DGKZ: variants seen among roughly 807,000 people sequenced by gnomAD.
The protein encoded by DGKZ is DAG kinase zeta.
Under a neutral mutation model 142.5 loss-of-function variants are expected in DGKZ, and 45 were observed. The ratio of observed to expected loss-of-function variants is 0.32; its 90% CI spans 0.25 to 0.40. The LOEUF is 0.40. DGKZ is among the 10% of genes least tolerant of loss of function. The pLI, the probability that DGKZ is intolerant of heterozygous loss-of-function variation, is 1.00. For synonymous variants in DGKZ, 442 were observed against 527.0 expected, an observed-to-expected ratio of 0.84 and a Z score of 2.21; for missense variants, 755 against 1,306.5, an observed-to-expected ratio of 0.58 and a Z score of 6.51.
At chr11:46,335,917 C>T (rs564393730) in intron 1 of DGKZ, among the ~76,000 whole-genome samples, 1 of 152,344 alleles carries the variant, frequency 6.6e-6, no homozygotes, top group African/African-American at 2.4e-5. Flanking sequence ...CGGGGGCTGG[C>T]AGGAGCTCAG....
intron 30 of DGKZ, 65 bp downstream of exon 30, chr11:46,379,633 G>T: frequency 7.0e-7 from 1 of 1,436,702 alleles, no homozygotes; most frequent in East Asian, 2.4e-5. Context: ...GGTCCTAGGC[G>T]GGAGCTGGGG....
chr11:46,365,444 A>AGAAT, intron 1 of DGKZ: 1 of 985,408 alleles, frequency 1.0e-6, no homozygotes, highest in Non-Finnish European at 1.2e-6. Flanking sequence ...GCACACACCC[A>AGAAT]GAATCCAGAA....
chr11:46,369,906 C>T, intron 5 of DGKZ, 35 bp from the exon 6 acceptor site: 1 of 1,612,470 alleles, frequency 6.2e-7, no homozygotes, highest in Non-Finnish European at 8.5e-7. Context: ...CCTGCCCACC[C>T]CTCACCCAGT....
At chr11:46,333,342 G>A (rs1050403303) in exon 1 of DGKZ, 15 of 1,354,544 alleles carry the variant, frequency 1.1e-5, no homozygotes, top group Non-Finnish European at 1.3e-5. Flanking sequence ...GGCAGCCGAG[G>A]AGGAGGTGGT....
At position 46,372,029 on chromosome 11, in the gene DGKZ, T is replaced by C. The variant is rs1451648488; in HGVS notation, c.832-46T>C. On this transcript the variant is annotated intron_variant, in intron 9 of 30. Coordinates refer to ENST00000527911, the Ensembl canonical transcript of DGKZ. The surrounding 1 kb of genome is among the most constrained non-coding windows in gnomAD (Gnocchi z 5.9). ...GGGCCTGCTAAGGATGATGGTAGGG[T>C]GTCCTGGACGGGAAGGAGCTTACAG... 6.5e-7 allele frequency: 1 copy of C among 1,535,898 alleles called. No individual in the cohort carries two copies. Among genetic ancestry groups the C allele is most frequent in the Non-Finnish European group, 8.9e-7 (1 of 1,126,364 alleles).
intron 1 of DGKZ, among the ~76,000 whole-genome samples, chr11:46,360,908 A>G (rs918476177): frequency 6.6e-6 from 1 of 152,160 alleles, no homozygotes; most frequent in Admixed American, 6.5e-5. Context: ...GTCAGGATAC[A>G]TATAACACAG....
At chr11:46,377,461 C>T (rs978210192) in intron 25 of DGKZ, 13 of 622,702 alleles carry the variant, frequency 2.1e-5, no homozygotes, top group African/African-American at 3.8e-5. Context: ...TGGCAGCCCC[C>T]GGACCCACCA....
chr11:46,352,488 C>G (rs539155766), intron 1 of DGKZ, among the ~76,000 whole-genome samples: 1 of 152,230 alleles, frequency 6.6e-6, no homozygotes, highest in Non-Finnish European at 1.5e-5. Context: ...GGCCCCACCC[C>G]TCCCGTCCCC....
chr11:46,368,123 C>A, intron 4 of DGKZ, 44 bp downstream of exon 4: 1 of 1,600,782 alleles, frequency 6.2e-7, no homozygotes, highest in Non-Finnish European at 8.6e-7. Flanking sequence ...CCTTTGGGTG[C>A]TGAGGCCCTT....
chr11:46,378,760 C>T (rs1266568691), intron 27 of DGKZ: 5 of 874,712 alleles, frequency 5.7e-6, no homozygotes, highest in Non-Finnish European at 7.3e-6. Context: ...AGAGGAAGCA[C>T]TGCTCCAGGG....
intron 1 of DGKZ, among the ~76,000 whole-genome samples, chr11:46,349,455 G>A (rs927743304): frequency 3.3e-5 from 5 of 152,140 alleles, no homozygotes; most frequent in East Asian, 1.9e-4. Flanking sequence ...TGGGTATAGG[G>A]ATGAGCACAT....
At chr11:46,352,562 C>A (rs751520890) in intron 1 of DGKZ, among the ~76,000 whole-genome samples, 2 of 152,220 alleles carry the variant, frequency 1.3e-5, no homozygotes, top group African/African-American at 4.8e-5. Flanking sequence ...CCGGGGTCAT[C>A]TGGGACTCCC....
chr11:46,364,247 C>T (rs1335800776), intron 1 of DGKZ: 9 of 781,134 alleles, frequency 1.2e-5, no homozygotes, highest in South Asian at 1.4e-5. Flanking sequence ...TAGGCGGTCA[C>T]CTCTGCGTCA....
intron 1 of DGKZ, chr11:46,365,521 T>A: frequency 2.0e-6 from 2 of 985,348 alleles, no homozygotes; most frequent in Non-Finnish European, 2.4e-6. Context: ...GAGCAGCCTC[T>A]CTCCCAGGAG....
chr11:46,356,498 C>T (rs1183995731), intron 1 of DGKZ, among the ~76,000 whole-genome samples: 5 of 152,172 alleles, frequency 3.3e-5, no homozygotes, highest in African/African-American at 7.2e-5. Flanking sequence ...ACAGCCTGTC[C>T]GGGGATGCAG....
chr11:46,375,762 T>A, intron 20 of DGKZ, 89 bp from the exon 21 acceptor site: 1 of 1,515,828 alleles, frequency 6.6e-7, no homozygotes, highest in Non-Finnish European at 8.9e-7. Flanking sequence ...GAGCGGGACC[T>A]TCTCTCGGCA....
At chr11:46,370,822 G>T (rs1169953716) in intron 6 of DGKZ, among the ~76,000 whole-genome samples, 2 of 152,064 alleles carry the variant, frequency 1.3e-5, no homozygotes, top group African/African-American at 4.8e-5. Context: ...GGTGGCTCAC[G>T]CCTGTAATCC....
chr11:46,371,999 C>G, intron 9 of DGKZ, 76 bp from the exon 10 acceptor site: 1 of 1,425,454 alleles, frequency 7.0e-7, no homozygotes, highest in Non-Finnish European at 9.7e-7. Flanking sequence ...ACAAAGTCAC[C>G]CAGGGGGCCT....
intron 1 of DGKZ, among the ~76,000 whole-genome samples, chr11:46,356,606 C>A (rs904245517): frequency 2.0e-4 from 30 of 152,046 alleles, no homozygotes; most frequent in Admixed American, 6.6e-5. Context: ...GTAGGGAGAC[C>A]ACCGGATGCC....
Sources: allele counts gnomAD v4.1 joint callset (sites outside exome capture counted in the v4.1 genomes callset), GRCh38; gene constraint gnomAD v4.1.1; non-coding constraint Gnocchi (gnomAD v3.1); transcripts MANE v1.5; gene names NCBI Gene and HGNC (gene_info 2026-07-23, HGNC 2026-07-21).